Variants in ZFYVE27 observed in about 807,000 individuals in gnomAD.
The protein encoded by ZFYVE27 is protrudin.
A neutral mutation model predicts 52.8 loss-of-function variants in ZFYVE27; 36 were observed. The ratio of observed to expected loss-of-function variants is 0.68; its 90% CI spans 0.52 to 0.90. ZFYVE27 has a LOEUF of 0.90. Ranked by LOEUF, ZFYVE27 falls within the 40% of genes least tolerant of loss-of-function variation. The probability of loss-of-function intolerance (pLI) is 0.00; values close to 1 mark genes in which losing one functional copy is unlikely to be tolerated. For synonymous variants in ZFYVE27, 223 were observed against 215.6 expected (o/e 1.03, Z -0.30); for missense variants, 450 against 527.2 (o/e 0.85, Z 1.43).
At chr10:97,754,636 C>T (rs1252875473) in intron 10 of ZFYVE27, 91 of 1,283,608 alleles carry the variant, frequency 7.1e-5, no homozygotes, top group Non-Finnish European at 8.8e-5. Flanking sequence ...TTTATGCTGC[C>T]TGCTGACTTC....
intron 10 of ZFYVE27, among the ~76,000 whole-genome samples, chr10:97,753,409 T>G (rs2047520719): frequency 1.3e-5 from 2 of 152,116 alleles, no homozygotes; most frequent in Non-Finnish European, 1.5e-5. Context: ...CCATCCTGAT[T>G]GGACATTCAG....
chr10:97,756,325 C>G (rs2048329628), intron 10 of ZFYVE27, among the ~76,000 whole-genome samples: 1 of 152,192 alleles, frequency 6.6e-6, no homozygotes, highest in Admixed American at 6.5e-5. Context: ...TCCCCTGGCT[C>G]TAGCAGAGGT....
chr10:97,738,780 C>A, intron 2 of ZFYVE27, 106 bp downstream of exon 2: 1 of 1,332,564 alleles, frequency 7.5e-7, no homozygotes. Flanking sequence ...CCTTTCTGCC[C>A]TAGTGAGGAG....
rs763789485 is a variant in ZFYVE27, at chr10:97,757,282, T to C, written c.1060T>C (p.Ser354Pro). ...TNNFGNCTGCSATFSVLKKRR... is the reference protein window; with the variant it reads ...TNNFGNCTGCPATFSVLKKRR... ...TTTCTCAGGGAACTGCACGGGCTGC[T>C]CGGCCACCTTCTCAGTGCTGAAGAA... The change falls in exon 11 of 13, where the codon TCG (serine) becomes CCG (proline). Residue 354 changes from serine (S) to proline (P), a missense_variant. Ser to Pro is a moderately conservative substitution (Grantham distance 74). Transcript: ENST00000684270. 1.2e-6 allele frequency: 2 copies of C among 1,614,012 alleles called. No individual in the cohort carries two copies. Among genetic ancestry groups the C allele is most frequent in the Non-Finnish European group, 1.7e-6 (2 of 1,180,020 alleles).
At chr10:97,751,067 T>G (rs1321334715) in intron 7 of ZFYVE27, among the ~76,000 whole-genome samples, 1 of 152,118 alleles carries the variant, frequency 6.6e-6, no homozygotes, top group African/African-American at 2.4e-5. Context: ...AAGAGATCAT[T>G]CTCATTTGTG....
At chr10:97,745,635 A>C (rs2045088444) in intron 4 of ZFYVE27, among the ~76,000 whole-genome samples, 1 of 152,186 alleles carries the variant, frequency 6.6e-6, no homozygotes, top group South Asian at 2.1e-4. Context: ...TCATCTGTTA[A>C]ATGGAATGAT....
chr10:97,757,853 C>T (rs1185184173), intron 12 of ZFYVE27, 130 bp downstream of exon 12: 2 of 829,960 alleles, frequency 2.4e-6, no homozygotes, highest in East Asian at 2.5e-5. Context: ...GGAACGTTTC[C>T]TCCATCCCCT....
intron 1 of ZFYVE27, among the ~76,000 whole-genome samples, chr10:97,737,547 C>T (rs2042418738): frequency 6.6e-6 from 1 of 152,188 alleles, no homozygotes; most frequent in Admixed American, 6.5e-5. Context: ...TACCTGGCGC[C>T]GCTCTGTGCC....
At chr10:97,743,215 A>G in intron 3 of ZFYVE27, 51 bp downstream of exon 3, 1 of 1,598,520 alleles carries the variant, frequency 6.3e-7, no homozygotes. Context: ...ATGTGGGGGA[A>G]GAACACCTGG....
At chr10:97,751,590 T>C in intron 8 of ZFYVE27, 128 bp downstream of exon 8, 2 of 919,756 alleles carry the variant, frequency 2.2e-6, no homozygotes, top group Non-Finnish European at 3.4e-6. Context: ...TAGAACTCAC[T>C]GGTTGAAAGA....
intron 4 of ZFYVE27, among the ~76,000 whole-genome samples, chr10:97,745,518 A>G (rs1590031198): frequency 6.6e-6 from 1 of 152,264 alleles, no homozygotes; most frequent in African/African-American, 2.4e-5. Context: ...GGTCTTGACT[A>G]AGCATGTGCA....
intron 11 of ZFYVE27, 94 bp downstream of exon 11, chr10:97,757,405 C>G (rs917578597): frequency 5.1e-6 from 8 of 1,579,226 alleles, no homozygotes; most frequent in Non-Finnish European, 7.0e-6. Flanking sequence ...AAGTCTGGCT[C>G]GGGTCACATT....
rs1407520603 is a variant in ZFYVE27, at chr10:97,750,531, C to G, written c.804+61C>G. 1.9e-5 allele frequency: 30 copies of G among 1,604,730 alleles called. No individual in the cohort carries two copies. In the East Asian group the frequency reaches 6.0e-4, roughly 32 times the overall value. ...CGCTTGTGGGCCCCCCTGTTATCAG[C>G]TTGTTTTTGGCTCCTGGGCTGGCCT... On this transcript the variant is annotated intron_variant, in intron 7 of 12. Coordinates refer to ENST00000684270, the MANE Select transcript of ZFYVE27 (RefSeq NM_001385875.1).
At chr10:97,743,004 C>A in intron 2 of ZFYVE27, 90 bp from the exon 3 acceptor site, 3 of 1,397,662 alleles carry the variant, frequency 2.1e-6, no homozygotes, top group Middle Eastern at 3.5e-4. Context: ...GCCTCCTCTT[C>A]TGGTTTGATG....
chr10:97,741,173 A>C (rs1027523767), intron 2 of ZFYVE27, among the ~76,000 whole-genome samples: 5 of 152,216 alleles, frequency 3.3e-5, no homozygotes, highest in African/African-American at 1.2e-4. Flanking sequence ...GGCAGTGTAC[A>C]TTAGTTCAAC....
intron 1 of ZFYVE27, 141 bp from the exon 2 acceptor site, chr10:97,738,336 T>C: frequency 1.1e-6 from 1 of 882,928 alleles, no homozygotes; most frequent in Non-Finnish European, 1.9e-6. Flanking sequence ...GGATGGAGAG[T>C]ACAAAGAACA....
chr10:97,759,118 G>C, intron 12 of ZFYVE27, 118 bp from the exon 13 acceptor site: 2 of 1,066,070 alleles, frequency 1.9e-6, no homozygotes, highest in Middle Eastern at 4.0e-4. Flanking sequence ...GCTGGGCAGG[G>C]AGGGTGTGGG....
chr10:97,750,527 T>G (rs3829137), intron 7 of ZFYVE27, 57 bp downstream of exon 7: 13 of 1,606,520 alleles, frequency 8.1e-6, no homozygotes, highest in East Asian at 2.2e-5. Context: ...CCCCCTGTTA[T>G]CAGCTTGTTT....
chr10:97,746,840 C>T (rs1399092986), intron 4 of ZFYVE27, among the ~76,000 whole-genome samples: 1 of 152,094 alleles, frequency 6.6e-6, no homozygotes, highest in Non-Finnish European at 1.5e-5. Flanking sequence ...CAGGCACATG[C>T]ACCATACCCT....
Sources: allele counts gnomAD v4.1 joint callset (sites outside exome capture counted in the v4.1 genomes callset), GRCh38; gene constraint gnomAD v4.1.1; transcripts MANE v1.5; gene names NCBI Gene and HGNC (gene_info 2026-07-23, HGNC 2026-07-21).